Variants in ARHGAP42 observed in about 807,000 individuals in gnomAD.
ARHGAP42 encodes rho GTPase-activating protein 42.
Under a neutral mutation model 125.0 loss-of-function variants are expected in ARHGAP42, and 63 were observed. The ratio of observed to expected loss-of-function variants is 0.50; its 90% CI spans 0.41 to 0.62. The LOEUF is 0.62. Among genes scored for constraint, ARHGAP42 ranks in the 20% least tolerant of loss-of-function variants. ARHGAP42 has a pLI of 0.00. For missense variants in ARHGAP42, 766 were observed against 1,024.2 expected, an observed-to-expected ratio of 0.75 and a Z score of 3.44; for synonymous variants, 339 against 351.0, an observed-to-expected ratio of 0.97 and a Z score of 0.38.
intron 5 of ARHGAP42, among the ~76,000 whole-genome samples, chr11:100,921,241 ATATAT>A (rs1237025474): frequency 4.0e-5 from 1 of 25,102 alleles, no homozygotes; most frequent in Non-Finnish European, 6.9e-5. Context: ...ATATATATAT[ATATAT>A]TTTTTTTTTT....
chr11:100,815,522 C>G (rs546455607), intron 3 of ARHGAP42, among the ~76,000 whole-genome samples: 2 of 152,286 alleles, frequency 1.3e-5, no homozygotes, highest in African/African-American at 4.8e-5. Flanking sequence ...TGCTCTGAGC[C>G]TAGTTCCCAG....
At chr11:100,693,611 C>T (rs1861228864) in intron 1 of ARHGAP42, among the ~76,000 whole-genome samples, 1 of 152,036 alleles carries the variant, frequency 6.6e-6, no homozygotes, top group Non-Finnish European at 1.5e-5. Flanking sequence ...TTTTTCAGCC[C>T]ATTGTAATTA....
chr11:100,933,008 T>C (rs1156580138), intron 6 of ARHGAP42, 148 bp from the exon 7 acceptor site: 1 of 575,392 alleles, frequency 1.7e-6, no homozygotes, highest in African/African-American at 1.9e-5. Flanking sequence ...TGTTTTATAA[T>C]CGTAAATCTA....
At chr11:100,908,645 T>C (rs547217898) in intron 4 of ARHGAP42, among the ~76,000 whole-genome samples, 22 of 152,318 alleles carry the variant, frequency 1.4e-4, no homozygotes, top group Admixed American at 1.3e-3. Context: ...CAGTTATCCA[T>C]TGATGGACAC....
intron 3 of ARHGAP42, among the ~76,000 whole-genome samples, chr11:100,851,458 C>T (rs1426011735): frequency 6.6e-6 from 1 of 152,168 alleles, no homozygotes; most frequent in Non-Finnish European, 1.5e-5. Flanking sequence ...TAGTGCAATA[C>T]ATTACGTGTT....
chr11:100,912,878 T>C (rs1866963445), intron 4 of ARHGAP42, among the ~76,000 whole-genome samples: 1 of 152,230 alleles, frequency 6.6e-6, no homozygotes, highest in African/African-American at 2.4e-5. Context: ...AATTTTCTTA[T>C]TTAATTATTT....
At chr11:100,800,375 G>A (rs1863821919) in intron 3 of ARHGAP42, among the ~76,000 whole-genome samples, 1 of 152,206 alleles carries the variant, frequency 6.6e-6, no homozygotes, top group Non-Finnish European at 1.5e-5. Context: ...GTTGTGAAAT[G>A]TGCTGAGCTT....
intron 3 of ARHGAP42, among the ~76,000 whole-genome samples, chr11:100,831,953 A>G (rs1266224924): frequency 6.6e-6 from 1 of 152,208 alleles, no homozygotes; most frequent in Non-Finnish European, 1.5e-5. Flanking sequence ...TTTTTTTCTA[A>G]TTGATCAAAT....
At chr11:100,940,607 G>A (rs1867854283) in intron 8 of ARHGAP42, among the ~76,000 whole-genome samples, 1 of 152,160 alleles carries the variant, frequency 6.6e-6, no homozygotes, top group African/African-American at 2.4e-5. Flanking sequence ...GGAAAAGAAA[G>A]TGAACATTAC....
At chr11:100,923,546 A>G (rs1017555412) in intron 6 of ARHGAP42, among the ~76,000 whole-genome samples, 3 of 151,292 alleles carry the variant, frequency 2.0e-5, no homozygotes, top group African/African-American at 7.4e-5. Context: ...ATGTATACAG[A>G]GGAGATTGTA....
chr11:100,794,075 CAAAAAAAAAAAAAAAAAAAA>C (rs869272420), intron 2 of ARHGAP42, among the ~76,000 whole-genome samples: 10 of 44,864 alleles, frequency 2.2e-4, no homozygotes, highest in African/African-American at 4.2e-4. Context: ...GACCCTGTCT[CAAAAAAAAAAAAAAAAAAAA>C]AAAAAAAAAA....
intron 4 of ARHGAP42, among the ~76,000 whole-genome samples, chr11:100,883,579 G>T (rs181078054): frequency 6.8e-4 from 103 of 152,276 alleles, no homozygotes; most frequent in Non-Finnish European, 1.1e-3. Flanking sequence ...TTGACCTCCA[G>T]TGATCCACCT....
intron 4 of ARHGAP42, among the ~76,000 whole-genome samples, chr11:100,903,834 C>T (rs1866643831): frequency 6.8e-6 from 1 of 147,850 alleles, no homozygotes; most frequent in Admixed American, 6.9e-5. Context: ...AGCTGAGGAG[C>T]AAGGAGAGCC....
rs1555021418 is a variant in ARHGAP42 at position 100,904,247 on chromosome 11, C to CTT, written c.385-9192_385-9191dup. ...CCTCTACTTCCTATTTTTCCTCTCT[C>CTT]TTTTTTTTTTTTTTGAGATGGAGTC... On this transcript the variant is annotated intron_variant, in intron 4 of 23. Transcript: ENST00000298815. 9.7e-5 allele frequency among the ~76,000 whole-genome samples: 14 copies of CTT among 143,850 alleles called. No individual in the cohort carries two copies. In the East Asian group the frequency reaches 1.8e-3, roughly 19 times the overall value. The allele number at this position is 143,850 out of a possible 152,430, so 94.4% of individuals were successfully genotyped here.
chr11:100,919,135 C>G (rs1008258193), intron 5 of ARHGAP42, among the ~76,000 whole-genome samples: 1 of 1,936 alleles, frequency 5.2e-4, no homozygotes, highest in Non-Finnish European at 7.7e-4. Context: ...TGCTCAATTC[C>G]CCCCTGCAAG....
chr11:100,861,259 G>A (rs946696110), intron 4 of ARHGAP42, among the ~76,000 whole-genome samples: 5 of 152,196 alleles, frequency 3.3e-5, no homozygotes, highest in Admixed American at 1.3e-4. Flanking sequence ...TCTTGGTCGG[G>A]GAGGGAAGAG....
intron 3 of ARHGAP42, among the ~76,000 whole-genome samples, chr11:100,806,602 A>AAT (rs1555002556): frequency 1.3e-3 from 191 of 151,948 alleles, no homozygotes; most frequent in African/African-American, 3.5e-3. Context: ...AAATTAAAAA[A>AAT]AATAATAATA....
At chr11:100,978,966 G>T (rs982436923) in intron 21 of ARHGAP42, 21 bp from the exon 22 acceptor site, 1 of 1,551,130 alleles carries the variant, frequency 6.4e-7, no homozygotes, top group African/African-American at 1.4e-5. Flanking sequence ...CATGAAACTT[G>T]CATTTTAAAT....
intron 1 of ARHGAP42, among the ~76,000 whole-genome samples, chr11:100,724,165 A>G (rs1861814273): frequency 6.6e-6 from 1 of 152,178 alleles, no homozygotes; most frequent in South Asian, 2.1e-4. Context: ...GCATACCTAT[A>G]ATAAATCTCA....
Sources: gnomAD v4.1 joint callset for allele counts (sites outside exome capture counted in the v4.1 genomes callset) on GRCh38, gnomAD v4.1.1 for gene constraint, MANE v1.5 for transcripts, NCBI Gene and HGNC (gene_info 2026-07-23, HGNC 2026-07-21) for gene names.